Variants in SMAP1 observed in about 807,000 individuals in gnomAD.
SMAP1 encodes the protein stromal membrane-associated protein 1.
In SMAP1, 24 loss-of-function variants were observed where a neutral mutation model predicts 58.5. That is an observed-to-expected ratio of 0.41 (90% CI 0.30 to 0.58). The LOEUF is 0.58. Among genes scored for constraint, SMAP1 ranks in the 20% least tolerant of loss-of-function variants. The pLI is 0.29. For missense variants in SMAP1, 563 were observed against 566.3 expected (o/e 0.99, Z 0.06); for synonymous variants, 216 against 196.6 (o/e 1.10, Z -0.82).
chr6:70,804,106 T>C (rs1015300838), intron 6 of SMAP1, among the ~76,000 whole-genome samples: 54 of 152,284 alleles, frequency 3.5e-4, no homozygotes, highest in African/African-American at 1.2e-3. Flanking sequence ...TCTCCCATTA[T>C]TGTTTTGTGA....
chr6:70,797,024 C>T (rs903475477), intron 5 of SMAP1, among the ~76,000 whole-genome samples: 2 of 152,118 alleles, frequency 1.3e-5, no homozygotes, highest in Non-Finnish European at 2.9e-5. Context: ...TGATGAATTA[C>T]TATTATAACA....
intron 6 of SMAP1, among the ~76,000 whole-genome samples, chr6:70,815,305 C>T (rs1384618828): frequency 6.6e-6 from 1 of 151,962 alleles, no homozygotes; most frequent in African/African-American, 2.4e-5. Flanking sequence ...GTATAAAATA[C>T]AATACATAAA....
chr6:70,809,560 G>A (rs2149967932), intron 6 of SMAP1, among the ~76,000 whole-genome samples: 1 of 152,292 alleles, frequency 6.6e-6, no homozygotes, highest in Non-Finnish European at 1.5e-5. Flanking sequence ...ATGCTAGATT[G>A]ATAGGTTATG....
chr6:70,696,400 T>C (rs562621935), intron 1 of SMAP1, among the ~76,000 whole-genome samples: 1 of 152,326 alleles, frequency 6.6e-6, no homozygotes, highest in South Asian at 2.1e-4. Flanking sequence ...ACTTTCCTCT[T>C]AGTACTGCTT....
chr6:70,708,007 G>A (rs1250889822), intron 1 of SMAP1, among the ~76,000 whole-genome samples: 1 of 152,024 alleles, frequency 6.6e-6, no homozygotes, highest in East Asian at 1.9e-4. Context: ...TCAGTATATT[G>A]CAGTGTAGTA....
intron 1 of SMAP1, among the ~76,000 whole-genome samples, chr6:70,702,733 C>T (rs1019183249): frequency 3.3e-5 from 5 of 151,650 alleles, no homozygotes; most frequent in African/African-American, 1.2e-4. Flanking sequence ...CAGGCTCAAG[C>T]CATTGTCCCA....
chr6:70,855,973 T>A (rs949458335), intron 8 of SMAP1, among the ~76,000 whole-genome samples: 15 of 152,256 alleles, frequency 9.9e-5, no homozygotes, highest in African/African-American at 3.4e-4. Context: ...GATGGTAACT[T>A]ATTGCATGGT....
intron 1 of SMAP1, among the ~76,000 whole-genome samples, chr6:70,702,910 G>T (rs1185671703): frequency 2.6e-5 from 4 of 152,052 alleles, no homozygotes; most frequent in Admixed American, 6.6e-5. Context: ...GGGATTACAG[G>T]CATGAGCCAC....
intron 2 of SMAP1, among the ~76,000 whole-genome samples, chr6:70,739,177 G>T (rs1765724122): frequency 6.6e-6 from 1 of 152,118 alleles, no homozygotes; most frequent in Non-Finnish European, 1.5e-5. Context: ...TTCCTCCTGG[G>T]TGCTGTCTTA....
At chr6:70,742,694 G>A (rs1765866115) in intron 2 of SMAP1, among the ~76,000 whole-genome samples, 1 of 152,158 alleles carries the variant, frequency 6.6e-6, no homozygotes, top group South Asian at 2.1e-4. Context: ...CCAGTTTACT[G>A]TATTAGTCTG....
chr6:70,850,713 C>T (rs1771152824), intron 7 of SMAP1, among the ~76,000 whole-genome samples: 2 of 152,036 alleles, frequency 1.3e-5, no homozygotes, highest in South Asian at 4.1e-4. Context: ...TATTATTGGA[C>T]TTCCTTTACT....
At chr6:70,773,272 G>A (rs1413353) in intron 3 of SMAP1, 78 bp from the exon 4 acceptor site, 655,785 of 833,986 alleles carry the variant, frequency 0.79, 260,596 homozygotes, top group East Asian at 1. Context: ...TAGAGTCCCA[G>A]CTTTGTGGAG....
At chr6:70,805,047 G>C (rs907395512) in intron 6 of SMAP1, among the ~76,000 whole-genome samples, 2 of 151,754 alleles carry the variant, frequency 1.3e-5, no homozygotes, top group Non-Finnish European at 2.9e-5. Context: ...ATGTTGGCCT[G>C]TCTTGCTAGG....
intron 4 of SMAP1, among the ~76,000 whole-genome samples, chr6:70,785,059 G>C (rs922544203): frequency 7.3e-4 from 111 of 152,042 alleles, no homozygotes; most frequent in Admixed American, 1.2e-3. Context: ...GGAAGTAAAG[G>C]TCTCCTCAGC....
chr6:70,755,200 C>T (rs984872548), intron 3 of SMAP1, 135 bp downstream of exon 3: 12 of 687,392 alleles, frequency 1.7e-5, no homozygotes, highest in Admixed American at 1.5e-4. Flanking sequence ...AATTGACTTG[C>T]TGTGAGCTGT....
intron 1 of SMAP1, among the ~76,000 whole-genome samples, chr6:70,672,223 T>G (rs1766295833): frequency 6.6e-6 from 1 of 152,248 alleles, no homozygotes; most frequent in Non-Finnish European, 1.5e-5. Flanking sequence ...ATAATGGTTT[T>G]AAGAAATAAC....
chr6:70,749,784 C>T (rs1766201267), intron 2 of SMAP1, among the ~76,000 whole-genome samples: 1 of 152,080 alleles, frequency 6.6e-6, no homozygotes, highest in Non-Finnish European at 1.5e-5. Flanking sequence ...GAAGAAGATA[C>T]TGAGAAAAAG....
At chr6:70,775,784 G>C (rs867067422) in intron 4 of SMAP1, among the ~76,000 whole-genome samples, 1 of 152,090 alleles carries the variant, frequency 6.6e-6, no homozygotes, top group African/African-American at 2.4e-5. Context: ...ATTTACAAAA[G>C]TCACAATAAA....
At chr6:70,751,750 A>G (rs1766288123) in intron 2 of SMAP1, among the ~76,000 whole-genome samples, 7 of 152,194 alleles carry the variant, frequency 4.6e-5, no homozygotes, top group Non-Finnish European at 1.0e-4. Flanking sequence ...AAATGATGCT[A>G]AGTACTAAGT....
Sources: allele counts gnomAD v4.1 joint callset (sites outside exome capture counted in the v4.1 genomes callset), GRCh38; gene constraint gnomAD v4.1.1; transcripts MANE v1.5; gene names NCBI Gene and HGNC (gene_info 2026-07-23, HGNC 2026-07-21).